KIR2DL3: variants seen among roughly 807,000 people sequenced by gnomAD.
KIR2DL3 encodes the protein killer cell immunoglobulin like receptor, two Ig domains and long cytoplasmic tail 3, also known as killer cell immunoglobulin-like receptor 2DL3.
In KIR2DL3, 39 loss-of-function variants were observed where a neutral mutation model predicts 33.8. That is an observed-to-expected ratio of 1.15 (90% CI 0.89 to 1.51). The LOEUF is 1.51. KIR2DL3 is among the 40% of genes most tolerant of loss of function. The probability of loss-of-function intolerance (pLI) is 0.00; values close to 1 mark genes in which losing one functional copy is unlikely to be tolerated. For synonymous variants in KIR2DL3, 174 were observed against 160.2 expected, an observed-to-expected ratio of 1.09 and a Z score of -0.65; for missense variants, 462 against 426.2, an observed-to-expected ratio of 1.08 and a Z score of -0.74.
chr19:54,747,646 A>C (rs2072756975), intron 5 of KIR2DL3, among the ~76,000 whole-genome samples: 1 of 152,208 alleles, frequency 6.6e-6, no homozygotes, highest in African/African-American at 2.4e-5. Context: ...TCTCAGGAAA[A>C]ATGCAATGTT....
At chr19:54,744,164 G>C (rs1368371748) in intron 4 of KIR2DL3, 76 bp downstream of exon 4, 67 of 1,589,104 alleles carry the variant, frequency 4.2e-5, no homozygotes, top group South Asian at 8.9e-5. Context: ...TGATGATGGA[G>C]AGAAGCATGG....
At chr19:54,741,248 G>A (rs1211883439) in intron 2 of KIR2DL3, among the ~76,000 whole-genome samples, 2 of 151,456 alleles carry the variant, frequency 1.3e-5, no homozygotes, top group South Asian at 2.1e-4. Context: ...CTGAGGGCAG[G>A]AGAATCACTT....
At chr19:54,748,508 C>A in intron 5 of KIR2DL3, among the ~76,000 whole-genome samples, 1 of 144,482 alleles carries the variant, frequency 6.9e-6, no homozygotes, top group African/African-American at 2.5e-5. Context: ...GGCTTCTGCC[C>A]TTGGGACACT....
At chr19:54,744,950 ATATATTTTTTTTTTTT>A (rs1366487745) in intron 4 of KIR2DL3, among the ~76,000 whole-genome samples, 26 of 26,786 alleles carry the variant, frequency 9.7e-4, no homozygotes, top group African/African-American at 3.4e-3. Context: ...ATATATATAT[ATATATTTTTTTTTTTT>A]TTTTTTTTTT....
chr19:54,751,960 G>A lies in KIR2DL3; in HGVS notation c.820+207G>A, dbSNP rs1215730501. Among the ~76,000 whole-genome samples the A allele has an allele frequency of 7.5e-4, 98 of 130,090 alleles. 23 individuals are homozygous for A. In the Admixed American group the frequency reaches 7.7e-3, roughly 10 times the overall value. 85.3% of individuals were successfully genotyped at this position (130,090 alleles called of 152,430 possible). A position where few individuals can be genotyped will look rare whatever the true frequency, so the allele number is the denominator to read the frequency against. ...GCCTGATTCTGAACTGTATCCTCAT[G>A]TCCCCTGCAGCCACTCACATCCAGG... On this transcript the variant is annotated intron_variant, in intron 6 of 7. Coordinates refer to ENST00000342376, the MANE Select transcript of KIR2DL3 (RefSeq NM_015868.3).
chr19:54,738,992 G>T (rs1600284379), intron 1 of KIR2DL3, among the ~76,000 whole-genome samples: 1 of 134,392 alleles, frequency 7.4e-6, no homozygotes, highest in African/African-American at 2.8e-5. Flanking sequence ...TCTGGAGGTG[G>T]AGATACGGGC....
chr19:54,750,956 C>A (rs2073329145), intron 5 of KIR2DL3, among the ~76,000 whole-genome samples: 1 of 133,928 alleles, frequency 7.5e-6, no homozygotes, highest in Non-Finnish European at 1.6e-5. Context: ...CCAGGAAGAA[C>A]AGGAAGACAG....
rs1416669308 is a variant in KIR2DL3, at chr19:54,739,657, G to A, written c.70+115G>A. 8.3e-6 allele frequency: 13 copies of A among 1,567,224 alleles called. No homozygotes were observed. The African/African-American group carries it at 1.1e-4, about 13-fold the overall frequency. ...ATAAACTAGGAAGAGAGGACCCTGG[G>A]GTGCTCAGCCCACATTTCTGACCTC... On this transcript the variant is annotated intron_variant, in intron 2 of 7. Transcript: ENST00000342376.
At chr19:54,744,952 A>ATTT (rs1158879610) in intron 4 of KIR2DL3, among the ~76,000 whole-genome samples, 11 of 27,226 alleles carry the variant, frequency 4.0e-4, no homozygotes, top group African/African-American at 1.1e-3. Flanking sequence ...ATATATATAT[A>ATTT]TATTTTTTTT....
rs1217072613 is a variant in KIR2DL3 at position 54,750,612 on chromosome 19, C to A, written c.716-1037C>A. ...AAAGCACATTCGCTGTGTATCAATC[C>A]CAGTGCAGTCTTCCCAGAGAAGACT... On this transcript the variant is annotated intron_variant, in intron 5 of 7. Coordinates refer to ENST00000342376, the MANE Select transcript of KIR2DL3 (RefSeq NM_015868.3). 2.9e-5 allele frequency among the ~76,000 whole-genome samples: 4 copies of A among 137,160 alleles called. 1 individual carries two copies. The highest frequency in any genetic ancestry group is 7.6e-5 in the Admixed American group (1 of 13,236). The allele number at this position is 137,160 out of a possible 152,430, so 90.0% of individuals were successfully genotyped here.
intron 4 of KIR2DL3, among the ~76,000 whole-genome samples, chr19:54,745,034 A>G (rs2072225489): frequency 7.2e-6 from 1 of 139,640 alleles, no homozygotes; most frequent in South Asian, 2.2e-4. Context: ...CTCTACCTTC[A>G]TGAGATCCAC....
At chr19:54,745,072 T>G (rs2072234573) in intron 4 of KIR2DL3, among the ~76,000 whole-genome samples, 1 of 150,100 alleles carries the variant, frequency 6.7e-6, no homozygotes, top group African/African-American at 2.5e-5. Context: ...GGGTGAGAAA[T>G]GGGAATCTTT....
chr19:54,739,262 G>C (rs538261951), intron 1 of KIR2DL3, among the ~76,000 whole-genome samples: 51 of 142,324 alleles, frequency 3.6e-4, no homozygotes, highest in African/African-American at 1.3e-3. Context: ...CTGGATTGGC[G>C]ATATGGGCCT....
chr19:54,746,969 G>T (rs186442756), intron 4 of KIR2DL3, among the ~76,000 whole-genome samples: 2 of 129,716 alleles, frequency 1.5e-5, no homozygotes, highest in Non-Finnish European at 3.4e-5. Context: ...GTGACAGAGC[G>T]AGACTCCATC....
At chr19:54,748,036 T>C (rs1056667786) in intron 5 of KIR2DL3, among the ~76,000 whole-genome samples, 19 of 146,272 alleles carry the variant, frequency 1.3e-4, no homozygotes, top group Non-Finnish European at 2.8e-4. Flanking sequence ...TGGGCTAAAA[T>C]CAAGGTGACA....
chr19:54,742,414 C>A (rs1428186407), intron 3 of KIR2DL3, 135 bp downstream of exon 3: 8 of 1,293,186 alleles, frequency 6.2e-6, no homozygotes, highest in South Asian at 5.1e-5. Flanking sequence ...AGGTTTGTAC[C>A]AACAGAGACA....
At chr19:54,751,179 G>C (rs2073362231) in intron 5 of KIR2DL3, among the ~76,000 whole-genome samples, 1 of 131,778 alleles carries the variant, frequency 7.6e-6, no homozygotes, top group African/African-American at 2.9e-5. Context: ...AGGGAAGGAG[G>C]GTCTGTCTGT....
Position 54,752,517 on chromosome 19 carries a change from T to C in KIR2DL3, c.1024T>C (p.Ter342ArgextTer8). The C allele has an allele frequency of 7.0e-7, 1 of 1,428,500 alleles. No individual in the cohort carries two copies. Among genetic ancestry groups the C allele is most frequent in the Non-Finnish European group, 9.4e-7 (1 of 1,059,728 alleles). 88.5% of individuals were successfully genotyped at this position (1,428,500 alleles called of 1,614,324 possible). ...VYTELPNAEP[*>R] ...CACGGAACTTCCAAATGCTGAGCCC[T>C]GATCCAAAGTTGTCTCCTGCCCATG... The change falls in exon 8 of 8, where the codon TGA becomes CGA. Residue 342 changes from the stop codon to arginine, a stop_lost. Coordinates refer to ENST00000342376, the MANE Select transcript of KIR2DL3 (RefSeq NM_015868.3).
At chr19:54,741,549 G>T (rs779317236) in intron 2 of KIR2DL3, among the ~76,000 whole-genome samples, 14 of 152,066 alleles carry the variant, frequency 9.2e-5, no homozygotes, top group Non-Finnish European at 1.3e-4. Flanking sequence ...TCCCCACCAG[G>T]AACAGGGTGT....
Sources: allele counts gnomAD v4.1 joint callset (sites outside exome capture counted in the v4.1 genomes callset), GRCh38; gene constraint gnomAD v4.1.1; transcripts MANE v1.5; gene names NCBI Gene and HGNC (gene_info 2026-07-23, HGNC 2026-07-21).